Variants in FAM240B observed in about 807,000 individuals in gnomAD.
The protein encoded by FAM240B is family with sequence similarity 240 member B.
chr9:38,704,372 T>C (rs1273094794), intron 1 of FAM240B, among the ~76,000 whole-genome samples: 1 of 152,168 alleles, frequency 6.6e-6, no homozygotes, highest in East Asian at 1.9e-4. Flanking sequence ...AACAGAGAAA[T>C]CCAAAGAAAT....
At chr9:38,703,198 A>G (rs1216493734) in intron 2 of FAM240B, among the ~76,000 whole-genome samples, 1 of 152,064 alleles carries the variant, frequency 6.6e-6, no homozygotes, top group Non-Finnish European at 1.5e-5. Flanking sequence ...GATATTTTCT[A>G]TTTTCTGTGT....
rs145344947 is a variant in FAM240B, at chr9:38,715,140, A to T, written c.-4+4882T>A. On this transcript the variant is annotated intron_variant, in intron 1 of 2. Coordinates refer to ENST00000637493, the MANE Select transcript of FAM240B (RefSeq NM_001394922.1). ...CATCAGCAGACAGGAATTAAGGAGC[A>T]TTGTTTGCCTGAGGAACATTTTCAG... is the stretch of plus-strand genomic sequence containing the variant. Among the ~76,000 whole-genome samples the T allele has an allele frequency of 1.7e-3, 257 of 152,312 alleles. 1 individual carries two copies. The highest frequency in any genetic ancestry group is 2.7e-3 in the Non-Finnish European group (184 of 68,032).
chr9:38,698,778 AT>A (rs1378126778), intron 2 of FAM240B, among the ~76,000 whole-genome samples: 2 of 152,224 alleles, frequency 1.3e-5, no homozygotes, highest in Non-Finnish European at 2.9e-5. Flanking sequence ...CACAGCAGTT[AT>A]ACACTATTGC....
chr9:38,715,289 A>G (rs2119014724), intron 1 of FAM240B, among the ~76,000 whole-genome samples: 1 of 152,318 alleles, frequency 6.6e-6, no homozygotes, highest in East Asian at 1.9e-4. Flanking sequence ...ACTTGAACTA[A>G]GTTTCTGTTT....
At chr9:38,702,013 A>T (rs1410159582) in intron 2 of FAM240B, among the ~76,000 whole-genome samples, 1 of 152,174 alleles carries the variant, frequency 6.6e-6, no homozygotes, top group African/African-American at 2.4e-5. Context: ...TATATATATA[A>T]AAGTTTTACT....
intron 1 of FAM240B, among the ~76,000 whole-genome samples, chr9:38,717,757 C>G (rs2119017051): frequency 6.6e-6 from 1 of 152,254 alleles, no homozygotes; most frequent in African/African-American, 2.4e-5. Flanking sequence ...TCTGGGATTA[C>G]AAGCGTGAGC....
chr9:38,714,261 G>C (rs1821286541), intron 1 of FAM240B, among the ~76,000 whole-genome samples: 1 of 152,202 alleles, frequency 6.6e-6, no homozygotes, highest in African/African-American at 2.4e-5. Flanking sequence ...ATGAGGAAAA[G>C]AGAAAATCAC....
At chr9:38,717,363 G>T (rs1324332511) in intron 1 of FAM240B, among the ~76,000 whole-genome samples, 1 of 152,004 alleles carries the variant, frequency 6.6e-6, no homozygotes, top group South Asian at 2.1e-4. Flanking sequence ...GGCGGATCAC[G>T]AGGTCAGGAG....
Position 38,701,978 on chromosome 9 carries a change from C to T in FAM240B, c.143+1879G>A, listed in dbSNP as rs139900406. Among the ~76,000 whole-genome samples the T allele has an allele frequency of 1.6e-4, 25 of 152,204 alleles. No homozygotes were observed. In the East Asian group the frequency reaches 4.6e-3, roughly 28 times the overall value. On this transcript the variant is annotated intron_variant, in intron 2 of 2. Transcript: ENST00000637493. ...CACTTTCAGTATCTTAGTGTATTTTCTTCTAATCTTTTTCCTTTACATACT... is the reference window on the plus strand; with the variant it reads ...CACTTTCAGTATCTTAGTGTATTTTTTTCTAATCTTTTTCCTTTACATACT...
At chr9:38,705,165 C>T (rs62540088) in intron 1 of FAM240B, among the ~76,000 whole-genome samples, 8,380 of 152,302 alleles carry the variant, frequency 0.055, 322 homozygotes, top group Non-Finnish European at 0.086. Flanking sequence ...AGAAGTGCTT[C>T]AGCCCTGGCT....
At chr9:38,697,900 A>G (rs551563623) in intron 2 of FAM240B, among the ~76,000 whole-genome samples, 1 of 152,374 alleles carries the variant, frequency 6.6e-6, no homozygotes, top group Non-Finnish European at 1.5e-5. Flanking sequence ...GACTTGATGT[A>G]TCATTTTGTT....
intron 1 of FAM240B, among the ~76,000 whole-genome samples, chr9:38,712,633 A>C (rs1178198325): frequency 6.6e-6 from 1 of 152,182 alleles, no homozygotes; most frequent in African/African-American, 2.4e-5. Context: ...CAGCACCCAG[A>C]ATGTCTATTC....
chr9:38,710,514 C>T (rs1374990860), intron 1 of FAM240B, among the ~76,000 whole-genome samples: 1 of 152,184 alleles, frequency 6.6e-6, no homozygotes, highest in Non-Finnish European at 1.5e-5. Flanking sequence ...AGGTTTACTG[C>T]ATTTATCTTT....
In FAM240B at chr9:38,694,673, A is replaced by G; in HGVS notation, c.*103T>C. The G allele has an allele frequency of 2.5e-6, 1 of 397,422 alleles. No individual in the cohort carries two copies. Among genetic ancestry groups the G allele is most frequent in the Non-Finnish European group, 4.4e-6 (1 of 225,524 alleles). The allele number at this position is 397,422 out of a possible 1,614,324, so 24.6% of individuals were successfully genotyped here. A position where few individuals can be genotyped will look rare whatever the true frequency, so the allele number is the denominator to read the frequency against. On this transcript the variant is annotated 3_prime_UTR_variant, in exon 3 of 3. Transcript: ENST00000637493. ...TCCCCTAGCAAATGGAAGCACAAAT[A>G]GAGAGCGTCCTGTTTAGTAAATCAG...
intron 2 of FAM240B, among the ~76,000 whole-genome samples, chr9:38,696,466 G>C (rs1477579155): frequency 6.6e-6 from 1 of 152,158 alleles, no homozygotes; most frequent in African/African-American, 2.4e-5. Context: ...CCTGTTGCTG[G>C]GTGGTGCCTG....
chr9:38,701,917 C>CACACACAT (rs1563999477), intron 2 of FAM240B, among the ~76,000 whole-genome samples: 1 of 152,108 alleles, frequency 6.6e-6, no homozygotes. Flanking sequence ...AACACACACA[C>CACACACAT]ACACACAATC....
At chr9:38,718,017 G>A (rs73646260) in intron 1 of FAM240B, among the ~76,000 whole-genome samples, 5,374 of 152,272 alleles carry the variant, frequency 0.035, 319 homozygotes, top group African/African-American at 0.12. Context: ...ATATGCGTAC[G>A]TATGTGTACA....
At chr9:38,718,113 C>G (rs1016439424) in intron 1 of FAM240B, among the ~76,000 whole-genome samples, 1 of 152,150 alleles carries the variant, frequency 6.6e-6, no homozygotes, top group Non-Finnish European at 1.5e-5. Flanking sequence ...TGCTTGTCAG[C>G]ATACATTGTT....
At chr9:38,700,070 G>A (rs1821108010) in intron 2 of FAM240B, among the ~76,000 whole-genome samples, 1 of 152,202 alleles carries the variant, frequency 6.6e-6, no homozygotes, top group South Asian at 2.1e-4. Context: ...AGAGCTCAGT[G>A]TGTTCACACA....
Sources: gnomAD v4.1 joint callset for allele counts (sites outside exome capture counted in the v4.1 genomes callset) on GRCh38, gnomAD v4.1.1 for gene constraint, MANE v1.5 for transcripts, NCBI Gene and HGNC (gene_info 2026-07-23, HGNC 2026-07-21) for gene names.